Variants in SUMF1 observed in about 807,000 individuals in gnomAD.
SUMF1 encodes the protein formylglycine-generating enzyme.
A neutral mutation model predicts 47.6 loss-of-function variants in SUMF1; 48 were observed. That is an observed-to-expected ratio of 1.01 (90% CI 0.80 to 1.28). The LOEUF (loss-of-function observed/expected upper bound fraction) is 1.28. SUMF1 is among the 50% of genes most tolerant of loss of function. The pLI is 0.00. For missense variants in SUMF1, 571 were observed against 485.4 expected, an observed-to-expected ratio of 1.18 and a Z score of -1.66; for synonymous variants, 230 against 192.1, an observed-to-expected ratio of 1.20 and a Z score of -1.63.
At chr3:4,313,937 C>A in intron 8 of SUMF1, 1 of 1,121,134 alleles carries the variant, frequency 8.9e-7, no homozygotes, top group Non-Finnish European at 1.2e-6. Context: ...AACAAAAGTA[C>A]ATGACTACCC....
At chr3:4,156,931 C>G (rs1694466676) in intron 8 of SUMF1, among the ~76,000 whole-genome samples, 1 of 151,548 alleles carries the variant, frequency 6.6e-6, no homozygotes, top group South Asian at 2.1e-4. Context: ...TCTTCATATG[C>G]AAATGTATGC....
chr3:4,277,691 G>A (rs897151090), intron 8 of SUMF1, among the ~76,000 whole-genome samples: 1 of 152,074 alleles, frequency 6.6e-6, no homozygotes, highest in African/African-American at 2.4e-5. Flanking sequence ...TTCCATTTCT[G>A]GATTACACTT....
At chr3:4,394,074 T>C (rs539633010) in intron 7 of SUMF1, among the ~76,000 whole-genome samples, 63 of 152,296 alleles carry the variant, frequency 4.1e-4, no homozygotes, top group Non-Finnish European at 6.3e-4. Context: ...GAATTATTTT[T>C]AGGTTTTTTT....
chr3:4,291,596 G>C (rs531692822), intron 8 of SUMF1, among the ~76,000 whole-genome samples: 1 of 152,178 alleles, frequency 6.6e-6, no homozygotes, highest in Non-Finnish European at 1.5e-5. Context: ...AGGAATTGAA[G>C]TCGCTTTTTA....
At position 4,080,832 on chromosome 3, in the gene SUMF1, T is replaced by C. The variant is rs112834710; in HGVS notation, c.1015-12087A>G. 7.6e-3 allele frequency among the ~76,000 whole-genome samples: 1,165 copies of C among 152,294 alleles called. 13 individuals are homozygous for C. The highest frequency in any genetic ancestry group is 0.027 in the African/African-American group (1,101 of 41,532). ...TATTCAAATTTCACGAAGACTTTCC[T>C]GATGTCTTTCAAAGAAGTATAACAC... On this transcript the variant is annotated intron_variant and NMD_transcript_variant, in intron 8 of 12. Coordinates refer to the SUMF1 transcript ENST00000448413.
intron 7 of SUMF1, among the ~76,000 whole-genome samples, chr3:4,394,349 T>C (rs1470672448): frequency 2.6e-5 from 4 of 151,976 alleles, no homozygotes; most frequent in Non-Finnish European, 5.9e-5. Context: ...GTAAAGACGG[T>C]GTTTCACTAT....
chr3:4,334,271 T>G (rs1699103448), intron 8 of SUMF1, among the ~76,000 whole-genome samples: 1 of 152,260 alleles, frequency 6.6e-6, no homozygotes, highest in Non-Finnish European at 1.5e-5. Context: ...TTTCAGATCT[T>G]TTGTTACCAG....
At chr3:4,449,538 T>C (rs1449513591) in intron 2 of SUMF1, among the ~76,000 whole-genome samples, 198 bp from the exon 3 acceptor site, 2 of 152,226 alleles carry the variant, frequency 1.3e-5, no homozygotes, top group African/African-American at 2.4e-5. Flanking sequence ...ACAGAGACCA[T>C]TTTCGTTTAA....
intron 8 of SUMF1, among the ~76,000 whole-genome samples, chr3:4,152,729 C>G (rs1052655048): frequency 4.0e-5 from 6 of 151,604 alleles, no homozygotes; most frequent in African/African-American, 1.5e-4. Flanking sequence ...TTCATGCAGC[C>G]CAAGGCTGTC....
At chr3:4,320,947 A>G (rs1028336600) in intron 8 of SUMF1, among the ~76,000 whole-genome samples, 2 of 152,166 alleles carry the variant, frequency 1.3e-5, no homozygotes, top group Non-Finnish European at 2.9e-5. Flanking sequence ...CTAAGTGCTC[A>G]GCATGTTAAA....
In SUMF1 at chr3:4,290,027, C is replaced by A. The variant is rs756700624; in HGVS notation, c.1014+86303G>T. 3.3e-4 allele frequency among the ~76,000 whole-genome samples: 51 copies of A among 152,306 alleles called. 1 individual carries two copies. The highest frequency in any genetic ancestry group is 2.2e-3 in the Admixed American group (34 of 15,292). ...TATAAGGCATAATAGGCAAATCACA[C>A]ATGGCATAATGAGTGGCACACTGTA... On this transcript the variant is annotated intron_variant and NMD_transcript_variant, in intron 8 of 12. Transcript: ENST00000448413.
chr3:4,460,599 AGTGTGTGT>A (rs144375913), intron 1 of SUMF1, among the ~76,000 whole-genome samples: 28 of 143,604 alleles, frequency 1.9e-4, no homozygotes, highest in African/African-American at 6.6e-4. Flanking sequence ...TCACACACAC[AGTGTGTGT>A]GTGTGTGTGT....
At chr3:4,204,127 A>G (rs1695600309) in intron 8 of SUMF1, among the ~76,000 whole-genome samples, 1 of 152,068 alleles carries the variant, frequency 6.6e-6, no homozygotes, top group Non-Finnish European at 1.5e-5. Context: ...CTTTTCCTTC[A>G]GACTGAAGAA....
intron 8 of SUMF1, among the ~76,000 whole-genome samples, chr3:4,138,030 C>A (rs1473852044): frequency 1.3e-5 from 2 of 151,520 alleles, no homozygotes; most frequent in African/African-American, 2.4e-5. Context: ...TGAACAATCC[C>A]AAAATAAAAT....
downstream of SUMF1, among the ~76,000 whole-genome samples, chr3:4,359,978 G>C (rs1025342826): frequency 6.6e-6 from 1 of 152,114 alleles, no homozygotes; most frequent in Non-Finnish European, 1.5e-5. Context: ...GTATTATGCT[G>C]CTGCTAGAAA....
intron 8 of SUMF1, among the ~76,000 whole-genome samples, chr3:4,237,485 T>C (rs1017279941): frequency 6.6e-6 from 1 of 152,174 alleles, no homozygotes; most frequent in African/African-American, 2.4e-5. Flanking sequence ...TTGTTCATTT[T>C]CTTATTCCTG....
At chr3:4,076,101 C>G (rs893940668) in intron 8 of SUMF1, among the ~76,000 whole-genome samples, 1 of 152,078 alleles carries the variant, frequency 6.6e-6, no homozygotes, top group East Asian at 1.9e-4. Flanking sequence ...TACTACAAGG[C>G]TGCAGTAACC....
chr3:4,137,719 G>T (rs1163036478), intron 8 of SUMF1, among the ~76,000 whole-genome samples: 1 of 152,106 alleles, frequency 6.6e-6, no homozygotes, highest in Non-Finnish European at 1.5e-5. Flanking sequence ...CTTAATGAAA[G>T]ACTGAAGCTT....
intron 7 of SUMF1, among the ~76,000 whole-genome samples, chr3:4,406,059 C>T (rs537599908): frequency 1.3e-5 from 2 of 152,180 alleles, no homozygotes; most frequent in Non-Finnish European, 2.9e-5. Flanking sequence ...CCACACCGCC[C>T]GCCCCATGCT....
Sources: allele counts gnomAD v4.1 joint callset (sites outside exome capture counted in the v4.1 genomes callset), GRCh38; gene constraint gnomAD v4.1.1; transcripts MANE v1.5; gene names NCBI Gene and HGNC (gene_info 2026-07-23, HGNC 2026-07-21).